The following EPHA3 variants were observed in gnomAD, a reference collection of about 807,000 sequenced individuals.
The protein encoded by EPHA3 is ephrin type-A receptor 3.
Under a neutral mutation model 107.1 loss-of-function variants are expected in EPHA3, and 42 were observed. That is an observed-to-expected ratio of 0.39 (90% confidence interval 0.31 to 0.51). The LOEUF (loss-of-function observed/expected upper bound fraction) is 0.51, where lower values mean the gene tolerates loss of function less well. Among genes scored for constraint, EPHA3 ranks in the 20% least tolerant of loss-of-function variants. EPHA3 has a pLI of 0.78. For synonymous variants in EPHA3, 461 were observed against 424.8 expected, an observed-to-expected ratio of 1.09 and a Z score of -1.05; for missense variants, 1,183 against 1,211.2, an observed-to-expected ratio of 0.98 and a Z score of 0.35.
chr3:89,337,746 A>T (rs1342858194), intron 3 of EPHA3, among the ~76,000 whole-genome samples: 1 of 152,198 alleles, frequency 6.6e-6, no homozygotes, highest in Non-Finnish European at 1.5e-5. Context: ...TTAGGCTATT[A>T]TTCTATTTAA....
At chr3:89,429,039 T>C in intron 11 of EPHA3, 67 bp from the exon 12 acceptor site, 2 of 1,090,192 alleles carry the variant, frequency 1.8e-6, no homozygotes, top group Non-Finnish European at 2.7e-6. Flanking sequence ...TCCAACTATA[T>C]TATATATGTT....
intron 3 of EPHA3, among the ~76,000 whole-genome samples, chr3:89,311,720 C>T (rs1466950777): frequency 1.3e-5 from 2 of 151,990 alleles, no homozygotes; most frequent in African/African-American, 4.8e-5. Context: ...TCAGCAAATG[C>T]CAGCTCTGGA....
rs141370785 is a variant in EPHA3, at chr3:89,162,440, G to A, written c.153+35167G>A. Among the ~76,000 whole-genome samples the A allele has an allele frequency of 1.9e-3, 286 of 152,278 alleles. 1 individual carries two copies. Among genetic ancestry groups the A allele is most frequent in the Middle Eastern group, 0.01 (3 of 294 alleles). The stretch of plus-strand genomic sequence containing the variant: ...TGACCTAGCAGAATTTGTTCTTTGA[G>A]GATCTGATTTCTGCTCATTTTCTAA... On this transcript the variant is annotated intron_variant, in intron 2 of 16. Coordinates refer to ENST00000336596, the MANE Select transcript of EPHA3 (RefSeq NM_005233.6).
chr3:89,122,280 A>T (rs567707123), intron 1 of EPHA3, among the ~76,000 whole-genome samples: 35 of 152,234 alleles, frequency 2.3e-4, no homozygotes, highest in Non-Finnish European at 4.9e-4. Flanking sequence ...AACAAGATGT[A>T]ATCAAAGGAT....
intron 5 of EPHA3, among the ~76,000 whole-genome samples, chr3:89,367,539 G>C (rs1247680075): frequency 6.0e-5 from 9 of 150,314 alleles, no homozygotes; most frequent in Non-Finnish European, 1.2e-4. Flanking sequence ...ACATAACTTA[G>C]CTCCTTTAAA....
intron 1 of EPHA3, among the ~76,000 whole-genome samples, chr3:89,115,173 C>A (rs1337909811): frequency 6.6e-6 from 1 of 152,130 alleles, no homozygotes; most frequent in African/African-American, 2.4e-5. Context: ...ATTTCTAACC[C>A]TATCCCTTTA....
At chr3:89,114,672 C>G (rs1707211638) in intron 1 of EPHA3, among the ~76,000 whole-genome samples, 1 of 152,162 alleles carries the variant, frequency 6.6e-6, no homozygotes, top group Admixed American at 6.5e-5. Flanking sequence ...TGCCCCCGGG[C>G]GGACGGTGTA....
At chr3:89,459,198 T>TA (rs760192414) in intron 15 of EPHA3, among the ~76,000 whole-genome samples, 1 of 151,978 alleles carries the variant, frequency 6.6e-6, no homozygotes, top group Non-Finnish European at 1.5e-5. Context: ...GGTAAAATTT[T>TA]AAAAAAGATA....
intron 11 of EPHA3, among the ~76,000 whole-genome samples, chr3:89,426,287 G>A (rs1197733280): frequency 1.3e-5 from 2 of 151,746 alleles, no homozygotes; most frequent in African/African-American, 4.8e-5. Flanking sequence ...TTTAATGCAT[G>A]TTGGAACTAG....
At chr3:89,211,519 G>T (rs140105375) in intron 3 of EPHA3, among the ~76,000 whole-genome samples, 1 of 151,858 alleles carries the variant, frequency 6.6e-6, no homozygotes, top group Non-Finnish European at 1.5e-5. Context: ...ACTCCTGATC[G>T]CATAATCAGT....
chr3:89,247,757 A>C (rs1253334385), intron 3 of EPHA3, among the ~76,000 whole-genome samples: 4 of 152,192 alleles, frequency 2.6e-5, no homozygotes, highest in Non-Finnish European at 5.9e-5. Flanking sequence ...TCAGCAAACG[A>C]AATTTGAGTC....
At chr3:89,460,412 CA>C (rs2107565469) in intron 15 of EPHA3, among the ~76,000 whole-genome samples, 1 of 152,254 alleles carries the variant, frequency 6.6e-6, no homozygotes, top group South Asian at 2.1e-4. Context: ...TCTGCAGACC[CA>C]ATTATATTTA....
chr3:89,399,671 G>GT lies in EPHA3; in HGVS notation c.1594+194dup, dbSNP rs1222794148. ...GTGTTTGTGTGGGTGTACATTTTGTGTTTCTTTTTTTCTTGTATGCAAATC... is the reference window on the plus strand; with the variant it reads ...GTGTTTGTGTGGGTGTACATTTTGTGTTTTCTTTTTTTCTTGTATGCAAATC... On this transcript the variant is annotated intron_variant, in intron 7 of 16. Transcript: ENST00000336596. 4.8e-6 allele frequency: 6 copies of GT among 1,243,362 alleles called. No homozygotes were observed. The African/African-American group carries it at 7.8e-5, about 16-fold the overall frequency. The allele number at this position is 1,243,362 out of a possible 1,614,324, so 77.0% of individuals were successfully genotyped here. A position where few individuals can be genotyped will look rare whatever the true frequency, so the allele number is the denominator to read the frequency against.
intron 3 of EPHA3, among the ~76,000 whole-genome samples, chr3:89,281,424 A>T (rs1705945737): frequency 6.6e-6 from 1 of 152,192 alleles, no homozygotes; most frequent in Non-Finnish European, 1.5e-5. Context: ...GAGCCAAGAT[A>T]TGAATGCAGC....
intron 13 of EPHA3, among the ~76,000 whole-genome samples, chr3:89,446,537 A>G (rs187056871): frequency 3.9e-5 from 6 of 152,308 alleles, no homozygotes; most frequent in Non-Finnish European, 4.4e-5. Flanking sequence ...GAATTAACCA[A>G]ATAAATACAC....
intron 1 of EPHA3, among the ~76,000 whole-genome samples, chr3:89,116,697 C>T (rs1402581847): frequency 1.0e-4 from 14 of 140,440 alleles, no homozygotes; most frequent in African/African-American, 3.8e-4. Flanking sequence ...CTTTTAGTAT[C>T]TTGCTGTCTT....
chr3:89,179,587 G>T (rs1197512914), intron 2 of EPHA3, among the ~76,000 whole-genome samples: 1 of 151,132 alleles, frequency 6.6e-6, no homozygotes, highest in Non-Finnish European at 1.5e-5. Context: ...AGGGAACTGT[G>T]TGGTTAACTG....
At chr3:89,225,043 A>G (rs1199776265) in intron 3 of EPHA3, among the ~76,000 whole-genome samples, 2 of 152,072 alleles carry the variant, frequency 1.3e-5, no homozygotes, top group East Asian at 3.8e-4. Flanking sequence ...TACTTTAAGG[A>G]TGTAAAAATG....
intron 2 of EPHA3, among the ~76,000 whole-genome samples, chr3:89,132,496 C>T (rs1448390734): frequency 2.6e-5 from 4 of 152,098 alleles, no homozygotes; most frequent in South Asian, 2.1e-4. Flanking sequence ...AGTAGTAAAA[C>T]AGGTTAAGAA....
Sources: gnomAD v4.1 joint callset for allele counts (sites outside exome capture counted in the v4.1 genomes callset) on GRCh38, gnomAD v4.1.1 for gene constraint, MANE v1.5 for transcripts, NCBI Gene and HGNC (gene_info 2026-07-23, HGNC 2026-07-21) for gene names.